The following FIGN variants were observed in gnomAD, a reference collection of about 807,000 sequenced individuals.
The protein encoded by FIGN is fidgetin.
FIGN carries 11 observed loss-of-function variants against 51.3 expected under a neutral mutation model. The ratio of observed to expected loss-of-function variants is 0.21; its 90% CI spans 0.13 to 0.35. The LOEUF is 0.35. Among genes scored for constraint, FIGN ranks in the 10% least tolerant of loss-of-function variants. FIGN has a pLI of 1.00. For missense variants in FIGN, 857 were observed against 943.6 expected, an observed-to-expected ratio of 0.91 and a Z score of 1.20; for synonymous variants, 407 against 363.2, an observed-to-expected ratio of 1.12 and a Z score of -1.37.
chr2:163,643,428 A>C, intron 2 of FIGN, among the ~76,000 whole-genome samples: 1 of 152,176 alleles, frequency 6.6e-6, no homozygotes, highest in Non-Finnish European at 1.5e-5. Context: ...AGGCAGGTGG[A>C]TAACTTGAGG....
chr2:163,698,620 A>G (rs1190413624), intron 2 of FIGN, among the ~76,000 whole-genome samples: 1 of 152,162 alleles, frequency 6.6e-6, no homozygotes, highest in African/African-American at 2.4e-5. Context: ...CTCTGAATAC[A>G]TCTAATTAAT....
At chr2:163,639,075 A>AATTT (rs1233628378) in intron 2 of FIGN, among the ~76,000 whole-genome samples, 2 of 152,132 alleles carry the variant, frequency 1.3e-5, no homozygotes, top group Non-Finnish European at 2.9e-5. Context: ...AGCAAAATAG[A>AATTT]ATTTTCGGCA....
At chr2:163,665,948 A>G (rs1683765803) in intron 2 of FIGN, among the ~76,000 whole-genome samples, 1 of 152,210 alleles carries the variant, frequency 6.6e-6, no homozygotes, top group African/African-American at 2.4e-5. Context: ...AGAATGTATT[A>G]TATGATGAAA....
At chr2:163,730,006 T>C (rs1684900223) in intron 2 of FIGN, among the ~76,000 whole-genome samples, 1 of 152,246 alleles carries the variant, frequency 6.6e-6, no homozygotes. Flanking sequence ...CTATCTTTTC[T>C]GCCTCCTCAG....
intron 2 of FIGN, among the ~76,000 whole-genome samples, chr2:163,648,166 C>A (rs1683412629): frequency 6.6e-6 from 1 of 151,908 alleles, no homozygotes; most frequent in African/African-American, 2.4e-5. Context: ...ACTGCCTGCA[C>A]CCCCACCCTT....
intron 2 of FIGN, among the ~76,000 whole-genome samples, chr2:163,721,807 TAGTAA>T (rs1000189531): frequency 2.0e-5 from 3 of 152,200 alleles, no homozygotes; most frequent in African/African-American, 7.2e-5. Flanking sequence ...TAGGTTTTCT[TAGTAA>T]AATTGTGTTT....
intron 2 of FIGN, among the ~76,000 whole-genome samples, chr2:163,648,322 A>C (rs1434047657): frequency 6.6e-6 from 1 of 152,230 alleles, no homozygotes; most frequent in Non-Finnish European, 1.5e-5. Flanking sequence ...CAGTATGATT[A>C]GAATGGAATG....
chr2:163,680,489 C>A (rs1337552792), intron 2 of FIGN, among the ~76,000 whole-genome samples: 1 of 152,140 alleles, frequency 6.6e-6, no homozygotes, highest in Non-Finnish European at 1.5e-5. Context: ...GGGAGAACAG[C>A]CAAGGGATCA....
At chr2:163,625,257 C>T (rs113248707) in intron 2 of FIGN, among the ~76,000 whole-genome samples, 2 of 151,710 alleles carry the variant, frequency 1.3e-5, no homozygotes, top group Admixed American at 6.6e-5. Context: ...TAAATATATT[C>T]TTATCATTAA....
intron 2 of FIGN, among the ~76,000 whole-genome samples, chr2:163,614,531 C>T (rs959934285): frequency 1.9e-4 from 29 of 151,552 alleles, no homozygotes; most frequent in African/African-American, 6.5e-4. Flanking sequence ...AAAATATTAT[C>T]AAAATACAGA....
At chr2:163,629,375 A>G (rs772026803) in intron 2 of FIGN, among the ~76,000 whole-genome samples, 8 of 152,172 alleles carry the variant, frequency 5.3e-5, no homozygotes, top group African/African-American at 9.6e-5. Context: ...AGCAATATCA[A>G]TGCAAGGTGG....
intron 2 of FIGN, among the ~76,000 whole-genome samples, chr2:163,709,359 T>C (rs1684552271): frequency 6.6e-6 from 1 of 152,118 alleles, no homozygotes. Context: ...TTCACTTAAT[T>C]GAAACTACAT....
At chr2:163,669,917 T>C (rs1201418920) in intron 2 of FIGN, among the ~76,000 whole-genome samples, 1 of 152,174 alleles carries the variant, frequency 6.6e-6, no homozygotes, top group African/African-American at 2.4e-5. Context: ...ACTTAAATTC[T>C]CGATCGTAAC....
At chr2:163,635,794 G>A (rs1370447673) in intron 2 of FIGN, among the ~76,000 whole-genome samples, 1 of 152,004 alleles carries the variant, frequency 6.6e-6, no homozygotes, top group Non-Finnish European at 1.5e-5. Context: ...TAACTTTGAT[G>A]GGTTATTTTA....
intron 2 of FIGN, among the ~76,000 whole-genome samples, chr2:163,629,476 A>G (rs888081093): frequency 1.3e-5 from 2 of 152,158 alleles, no homozygotes; most frequent in East Asian, 1.9e-4. Context: ...ATTGATAACC[A>G]TCTTAAGAAA....
intron 2 of FIGN, among the ~76,000 whole-genome samples, chr2:163,646,090 T>C (rs1298106001): frequency 6.6e-6 from 1 of 152,198 alleles, no homozygotes; most frequent in Non-Finnish European, 1.5e-5. Flanking sequence ...TTTTGGTAAA[T>C]GAATGAAAAG....
intron 2 of FIGN, among the ~76,000 whole-genome samples, chr2:163,713,095 A>G (rs984999316): frequency 3.9e-5 from 6 of 152,326 alleles, no homozygotes; most frequent in Non-Finnish European, 7.4e-5. Context: ...GTTTATGTAA[A>G]TAGGCATCTT....
intron 2 of FIGN, among the ~76,000 whole-genome samples, chr2:163,655,039 G>A (rs983362604): frequency 3.0e-4 from 46 of 152,160 alleles, no homozygotes; most frequent in Admixed American, 1.3e-3. Context: ...AACATTCCCC[G>A]TGTTAAAAAT....
chr2:163,715,436 T>C (rs1463941628), intron 2 of FIGN, among the ~76,000 whole-genome samples: 1 of 152,058 alleles, frequency 6.6e-6, no homozygotes. Context: ...AAGGAAAAAC[T>C]AGATGAGTGA....
Sources: allele counts gnomAD v4.1 joint callset (sites outside exome capture counted in the v4.1 genomes callset), GRCh38; gene constraint gnomAD v4.1.1; transcripts MANE v1.5; gene names NCBI Gene and HGNC (gene_info 2026-07-23, HGNC 2026-07-21).